NDRG1: variants seen among roughly 807,000 people sequenced by gnomAD.
NDRG1 encodes N-myc downstream regulated 1, also known as protein NDRG1.
NDRG1 carries 32 observed loss-of-function variants against 56.9 expected under a neutral mutation model. That is an observed-to-expected ratio of 0.56 (90% CI 0.42 to 0.76). The LOEUF (loss-of-function observed/expected upper bound fraction) is 0.76, where lower values mean the gene tolerates loss of function less well. Ranked by LOEUF, NDRG1 falls within the 30% of genes least tolerant of loss-of-function variation. NDRG1 has a pLI of 0.00. For missense variants in NDRG1, 507 were observed against 545.7 expected (o/e 0.93, Z 0.71); for synonymous variants, 211 against 204.1 (o/e 1.03, Z -0.29).
chr8:133,280,691 C>A (rs1345216231), intron 2 of NDRG1, among the ~76,000 whole-genome samples: 1 of 152,144 alleles, frequency 6.6e-6, no homozygotes, highest in East Asian at 1.9e-4. Context: ...GCCTCGGCCT[C>A]CCAAAGTGCT....
chr8:133,268,374 G>A (rs1033653661), intron 3 of NDRG1, among the ~76,000 whole-genome samples: 2 of 152,164 alleles, frequency 1.3e-5, no homozygotes, highest in Non-Finnish European at 1.5e-5. Context: ...CAGCTCATGA[G>A]TGTCAGGACC....
intron 1 of NDRG1, among the ~76,000 whole-genome samples, chr8:133,288,835 A>G (rs1040557114): frequency 3.9e-5 from 6 of 152,314 alleles, no homozygotes; most frequent in Admixed American, 2.0e-4. Context: ...AAACCCCTCC[A>G]GCAGGTCTCC....
At chr8:133,260,440 G>A (rs1221126027) in intron 5 of NDRG1, among the ~76,000 whole-genome samples, 1 of 152,160 alleles carries the variant, frequency 6.6e-6, no homozygotes. Flanking sequence ...AGATGCACAC[G>A]AAAACCACAT....
At chr8:133,269,602 T>C (rs546449989) in intron 3 of NDRG1, among the ~76,000 whole-genome samples, 3 of 152,338 alleles carry the variant, frequency 2.0e-5, no homozygotes, top group African/African-American at 7.2e-5. Flanking sequence ...GCTGGAATAA[T>C]GGGGCAGGAT....
intron 3 of NDRG1, among the ~76,000 whole-genome samples, chr8:133,274,444 G>A (rs974556371): frequency 5.3e-5 from 8 of 152,084 alleles, no homozygotes; most frequent in African/African-American, 1.9e-4. Flanking sequence ...GCTGCTTTCA[G>A]ATACACAAAA....
chr8:133,297,141 G>A lies in NDRG1; in HGVS notation c.-26C>T, dbSNP rs1474843512. ...AAGAGGGCGCGGGCTTACCTAACGC[G>A]AGGGAGAAAGGAAAGGACGGTGCCG... On this transcript the variant is annotated 5_prime_UTR_variant, in exon 1 of 16. Transcript: ENST00000323851. 1 of 152,358 alleles carries A rather than the reference G, an allele frequency of 6.6e-6. No individual in the cohort carries two copies. Among genetic ancestry groups the A allele is most frequent in the Non-Finnish European group, 1.5e-5 (1 of 68,136 alleles). 9.4% of individuals were successfully genotyped at this position (152,358 alleles called of 1,614,324 possible).
chr8:133,278,519 T>A (rs1857585131), intron 3 of NDRG1, among the ~76,000 whole-genome samples: 1 of 152,134 alleles, frequency 6.6e-6, no homozygotes, highest in Non-Finnish European at 1.5e-5. Context: ...GGCCAGGGCA[T>A]GGGAGAAGCC....
intron 13 of NDRG1, 135 bp downstream of exon 13, chr8:133,246,481 C>T (rs1248365348): frequency 5.1e-6 from 5 of 983,504 alleles, no homozygotes; most frequent in Non-Finnish European, 8.2e-6. Flanking sequence ...TGTTCATAAA[C>T]AGATAGATTA....
Position 133,238,182 on chromosome 8 carries a change from T to A in NDRG1, c.*696A>T, listed in dbSNP as rs1855164760. ...ATTTTTGTCTGTAAAGCCAGGAGAT[T>A]TTGTCGCCTGCTTTTGCTGCACATT... On this transcript the variant is annotated 3_prime_UTR_variant, in exon 16 of 16. Transcript: ENST00000323851. 1 of 232,792 alleles carries A rather than the reference T, an allele frequency of 4.3e-6. No individual in the cohort carries two copies. Among genetic ancestry groups the A allele is most frequent in the African/African-American group, 2.2e-5 (1 of 45,274 alleles). 14.4% of individuals were successfully genotyped at this position (232,792 alleles called of 1,614,324 possible). A position where few individuals can be genotyped will look rare whatever the true frequency, so the allele number is the denominator to read the frequency against.
intron 4 of NDRG1, among the ~76,000 whole-genome samples, chr8:133,262,788 C>T (rs938069206): frequency 7.9e-5 from 12 of 152,276 alleles, no homozygotes; most frequent in East Asian, 5.8e-4. Context: ...AGCCTGTGAC[C>T]GTCACCATTT....
Position 133,250,533 on chromosome 8 carries a change from T to G in NDRG1, c.605A>C (p.Gln202Pro), listed in dbSNP as rs1276072822. The G allele has an allele frequency of 1.2e-6, 2 of 1,613,980 alleles. No homozygotes were observed. Among genetic ancestry groups the G allele is most frequent in the East Asian group, 4.5e-5 (2 of 44,884 alleles). Reference protein sequence around the residue: ...VSHLFGKEEMQSNVEVVHTYR... With the variant: ...VSHLFGKEEMPSNVEVVHTYR... ...GGTGTGGACCACTTCCACGTTACTCTGCATTTCTTCCTGCATTTAGAGAGG... is the reference window on the plus strand; with the variant it reads ...GGTGTGGACCACTTCCACGTTACTCGGCATTTCTTCCTGCATTTAGAGAGG... The change falls in exon 10 of 16, where the codon CAG (glutamine) becomes CCG (proline). Residue 202 changes from glutamine (Q) to proline (P), a missense_variant. Physicochemically the swap from Gln to Pro is moderately conservative, Grantham distance 76. Coordinates refer to ENST00000323851, the MANE Select transcript of NDRG1 (RefSeq NM_006096.4).
intron 1 of NDRG1, among the ~76,000 whole-genome samples, chr8:133,290,163 C>T (rs771785400): frequency 1.1e-4 from 16 of 152,188 alleles, no homozygotes; most frequent in Non-Finnish European, 1.6e-4. Context: ...CACCTGCACA[C>T]CCTCTTGAGC....
chr8:133,252,039 C>T (rs1456453858), intron 9 of NDRG1, among the ~76,000 whole-genome samples: 1 of 152,198 alleles, frequency 6.6e-6, no homozygotes, highest in East Asian at 1.9e-4. Context: ...GCGGCCCTGC[C>T]AGCGCTTGAC....
At chr8:133,295,165 C>T (rs1358866209) in intron 1 of NDRG1, among the ~76,000 whole-genome samples, 2 of 152,240 alleles carry the variant, frequency 1.3e-5, no homozygotes, top group Non-Finnish European at 2.9e-5. Context: ...TCCACCCATG[C>T]ACAGTCTATT....
chr8:133,244,506 C>A, intron 13 of NDRG1, 116 bp from the exon 14 acceptor site: 10 of 1,236,764 alleles, frequency 8.1e-6, no homozygotes, highest in Non-Finnish European at 1.2e-5. Flanking sequence ...CCTTGTCCTG[C>A]CTTACAAAGG....
chr8:133,292,231 A>T (rs1433868037), intron 1 of NDRG1, among the ~76,000 whole-genome samples: 1 of 152,210 alleles, frequency 6.6e-6, no homozygotes, highest in African/African-American at 2.4e-5. Context: ...CAGTGTTAGC[A>T]GAGGACGAGG....
intron 3 of NDRG1, chr8:133,264,868 G>C (rs1331540113): frequency 8.3e-6 from 5 of 604,930 alleles, no homozygotes; most frequent in Non-Finnish European, 1.5e-5. Context: ...ACAGAGGCCT[G>C]GCTCAGACTG....
intron 5 of NDRG1, among the ~76,000 whole-genome samples, chr8:133,260,005 C>T (rs542588349): frequency 4.3e-4 from 65 of 152,294 alleles, no homozygotes; most frequent in South Asian, 8.3e-4. Flanking sequence ...TATGGTGTGG[C>T]TCCACATCAA....
chr8:133,259,274 A>T (rs763601120), intron 5 of NDRG1, 44 bp from the exon 6 acceptor site: 1 of 1,590,988 alleles, frequency 6.3e-7, no homozygotes, highest in Admixed American at 1.7e-5. Context: ...CCCGGACAGA[A>T]ACGGGTAATC....
Sources: allele counts gnomAD v4.1 joint callset (sites outside exome capture counted in the v4.1 genomes callset), GRCh38; gene constraint gnomAD v4.1.1; transcripts MANE v1.5; gene names NCBI Gene and HGNC (gene_info 2026-07-23, HGNC 2026-07-21).